The following CA1 variants were observed in gnomAD, a reference collection of about 807,000 sequenced individuals.
CA1 encodes carbonate dehydratase I.
A neutral mutation model predicts 28.8 loss-of-function variants in CA1; 27 were observed. The observed-to-expected ratio is 0.94, with a 90% CI of 0.69 to 1.29. The LOEUF (loss-of-function observed/expected upper bound fraction) is 1.29, where lower values mean the gene tolerates loss of function less well. Among genes scored for constraint, CA1 ranks in the 50% most tolerant of loss-of-function variants. The probability of loss-of-function intolerance (pLI) is 0.00; values close to 1 mark genes in which losing one functional copy is unlikely to be tolerated. For synonymous variants in CA1, 121 were observed against 108.8 expected (o/e 1.11, Z -0.70); for missense variants, 335 against 310.5 (o/e 1.08, Z -0.59).
intron 1 of CA1, among the ~76,000 whole-genome samples, chr8:85,375,752 A>G (rs893758495): frequency 6.6e-6 from 1 of 152,206 alleles, no homozygotes; most frequent in African/African-American, 2.4e-5. Context: ...GTATCCTGGC[A>G]CATGCTATCC....
At chr8:85,371,362 T>C (rs2130396722) in intron 1 of CA1, among the ~76,000 whole-genome samples, 1 of 152,316 alleles carries the variant, frequency 6.6e-6, no homozygotes, top group South Asian at 2.1e-4. Context: ...CCTTTGAAAT[T>C]ATGATAAAAG....
intron 1 of CA1, among the ~76,000 whole-genome samples, chr8:85,371,169 T>A (rs1810210521): frequency 6.6e-6 from 1 of 152,132 alleles, no homozygotes; most frequent in South Asian, 2.1e-4. Context: ...TGGAGTTTGG[T>A]TAGCTGATTC....
chr8:85,339,382 A>G (rs981123632), intron 2 of CA1, among the ~76,000 whole-genome samples: 17 of 152,198 alleles, frequency 1.1e-4, no homozygotes, highest in Non-Finnish European at 2.2e-4. Flanking sequence ...TTGTGGCACC[A>G]TAAACCATGT....
intron 1 of CA1, among the ~76,000 whole-genome samples, chr8:85,345,997 T>C (rs114998234): frequency 0.014 from 2,196 of 152,280 alleles, 52 homozygotes; most frequent in African/African-American, 0.05. Flanking sequence ...GTTTCAACCT[T>C]TTATTTCCTG....
chr8:85,363,788 G>A (rs947039185), intron 1 of CA1, among the ~76,000 whole-genome samples: 1 of 152,140 alleles, frequency 6.6e-6, no homozygotes, highest in Non-Finnish European at 1.5e-5. Flanking sequence ...TAGCCCTGAA[G>A]CCCTGTTCCA....
chr8:85,366,203 A>T (rs1810001528), intron 1 of CA1, among the ~76,000 whole-genome samples: 1 of 130,768 alleles, frequency 7.6e-6, no homozygotes, highest in Non-Finnish European at 1.6e-5. Flanking sequence ...TGTAGAGATG[A>T]GGTCCCACTA....
intron 5 of CA1, among the ~76,000 whole-genome samples, chr8:85,333,090 A>C (rs993130911): frequency 2.6e-5 from 4 of 152,184 alleles, no homozygotes; most frequent in African/African-American, 9.6e-5. Flanking sequence ...GTAAGAAAAA[A>C]TTCTCTTACT....
chr8:85,353,474 C>T (rs372324618), intron 1 of CA1, among the ~76,000 whole-genome samples: 30 of 152,254 alleles, frequency 2.0e-4, no homozygotes, highest in Admixed American at 5.2e-4. Flanking sequence ...TATAACTGCA[C>T]GTATTATTTT....
At chr8:85,370,933 TAGG>T (rs1417001705) in intron 1 of CA1, among the ~76,000 whole-genome samples, 1 of 152,192 alleles carries the variant, frequency 6.6e-6, no homozygotes, top group African/African-American at 2.4e-5. Context: ...TGGATACTTC[TAGG>T]AATTTTAAAT....
At position 85,327,616 on chromosome 8, in the gene CA1, A is replaced by C. The variant is rs1458063705; in HGVS notation, c.*944T>G. On this transcript the variant is annotated 3_prime_UTR_variant, in exon 8 of 8. Coordinates refer to ENST00000523022, the MANE Select transcript of CA1 (RefSeq NM_001128831.4). Reference sequence around the variant, plus strand: ...CAGTGAGCTATGATCACACCATCGCACTCCACCCTGACTGGCAGAGTGAGA... The same window carrying C: ...CAGTGAGCTATGATCACACCATCGCCCTCCACCCTGACTGGCAGAGTGAGA... 1.3e-5 allele frequency: 2 copies of C among 152,142 alleles called. No homozygotes were observed. The highest frequency in any genetic ancestry group is 2.9e-5 in the Non-Finnish European group (2 of 68,078). 9.4% of individuals were successfully genotyped at this position (152,142 alleles called of 1,614,324 possible). A position where few individuals can be genotyped will look rare whatever the true frequency, so the allele number is the denominator to read the frequency against.
intron 1 of CA1, among the ~76,000 whole-genome samples, chr8:85,363,754 G>A (rs577495993): frequency 6.6e-6 from 1 of 152,112 alleles, no homozygotes; most frequent in Non-Finnish European, 1.5e-5. Flanking sequence ...CTCATATCCA[G>A]CTAAAGATCT....
rs1379551642 is a variant in CA1, at chr8:85,327,907, A to G, written c.*653T>C. 1 of 152,232 alleles carries G rather than the reference A, an allele frequency of 6.6e-6. No homozygotes were observed. The highest frequency in any genetic ancestry group is 2.4e-5 in the African/African-American group (1 of 41,464). 9.4% of individuals were successfully genotyped at this position (152,232 alleles called of 1,614,324 possible). A position where few individuals can be genotyped will look rare whatever the true frequency, so the allele number is the denominator to read the frequency against. On this transcript the variant is annotated 3_prime_UTR_variant, in exon 8 of 8. Coordinates refer to ENST00000523022, the MANE Select transcript of CA1 (RefSeq NM_001128831.4). The stretch of plus-strand genomic sequence containing the variant: ...CTAGTTGTAATAATGGCAGAGAAGC[A>G]TTGTCCTTGCTAACGTGGGGAGAAG...
rs1392528132 is a variant in CA1 at position 85,337,348 on chromosome 8, T to C, written c.236-285A>G. 9 of 419,296 alleles carry C rather than the reference T, an allele frequency of 2.1e-5. No individual in the cohort carries two copies. The East Asian group carries it at 4.8e-4, about 22-fold the overall frequency. 26.0% of individuals were successfully genotyped at this position (419,296 alleles called of 1,614,324 possible). ...AACTCCTAGAAAGCATATTGCAATG[T>C]GAGTGAATTATATCATTACAGGGCT... On this transcript the variant is annotated intron_variant, in intron 3 of 7. Transcript: ENST00000523022.
chr8:85,348,461 G>T (rs1048047364), intron 1 of CA1, among the ~76,000 whole-genome samples: 4 of 152,124 alleles, frequency 2.6e-5, no homozygotes, highest in African/African-American at 9.7e-5. Context: ...TCTGATCTTT[G>T]TCTTAGTAGA....
chr8:85,339,735 G>GTGC (rs1388803454), intron 2 of CA1, among the ~76,000 whole-genome samples: 1 of 152,204 alleles, frequency 6.6e-6, no homozygotes, highest in Non-Finnish European at 1.5e-5. Flanking sequence ...TGCTACACCA[G>GTGC]TGCACACACA....
At chr8:85,364,801 TAA>T (rs1809939074) in intron 1 of CA1, among the ~76,000 whole-genome samples, 1 of 152,202 alleles carries the variant, frequency 6.6e-6, no homozygotes, top group African/African-American at 2.4e-5. Context: ...GGAGAATAAA[TAA>T]GTTTCAATTT....
At chr8:85,351,825 G>C (rs1000423140) in intron 1 of CA1, 1 of 152,204 alleles carries the variant, frequency 6.6e-6, no homozygotes, top group African/African-American at 2.4e-5. Flanking sequence ...TACTTGTAAG[G>C]CTGCTGTTGA....
rs2130137464 is a variant in CA1 at position 85,332,525 on chromosome 8, T to C, written c.478A>G (p.Lys160Glu). The C allele has an allele frequency of 6.2e-7, 1 of 1,613,282 alleles. No individual in the cohort carries two copies. The part of the protein sequence containing the change: ...KVGEANPKLQ[K>E]VLDALQAIKT... The stretch of plus-strand genomic sequence containing the variant: ...ATTGCTTGGAGGGCATCAAGTACTT[T>C]CTGCAGCTTTGGGTTGGCCTCACCA... Residue 160 changes from lysine to glutamate, a missense_variant, in exon 6 of 8, where the codon AAA becomes GAA. Transcript: ENST00000523022.
intron 4 of CA1, among the ~76,000 whole-genome samples, chr8:85,336,326 A>G (rs946104074): frequency 3.3e-5 from 5 of 152,146 alleles, no homozygotes; most frequent in African/African-American, 1.2e-4. Flanking sequence ...TAAAGAGCAA[A>G]ATTTCTCACA....
Sources: gnomAD v4.1 joint callset for allele counts (sites outside exome capture counted in the v4.1 genomes callset) on GRCh38, gnomAD v4.1.1 for gene constraint, MANE v1.5 for transcripts, NCBI Gene and HGNC (gene_info 2026-07-23, HGNC 2026-07-21) for gene names.